Variants in CADPS2 observed in about 807,000 individuals in gnomAD.
The protein encoded by CADPS2 is calcium-dependent secretion activator 2.
A neutral mutation model predicts 172.5 loss-of-function variants in CADPS2; 93 were observed. The ratio of observed to expected loss-of-function variants is 0.54; its 90% CI spans 0.46 to 0.64. The LOEUF is 0.64. Among genes scored for constraint, CADPS2 ranks in the 30% least tolerant of loss-of-function variants. The probability of loss-of-function intolerance (pLI) is 0.00; values close to 1 mark genes in which losing one functional copy is unlikely to be tolerated. For missense variants in CADPS2, 1,420 were observed against 1,565.9 expected (o/e 0.91, Z 1.57); for synonymous variants, 546 against 555.2 (o/e 0.98, Z 0.23).
intron 1 of CADPS2, among the ~76,000 whole-genome samples, chr7:122,777,586 G>T (rs2093923935): frequency 6.6e-6 from 1 of 152,074 alleles, no homozygotes; most frequent in Non-Finnish European, 1.5e-5. Flanking sequence ...GTCATGGGAG[G>T]GAACTGGTGG....
chr7:122,568,672 T>A (rs1025414104), intron 7 of CADPS2, among the ~76,000 whole-genome samples: 1 of 152,142 alleles, frequency 6.6e-6, no homozygotes, highest in African/African-American at 2.4e-5. Context: ...TATGTAGCTC[T>A]AGATCTGAAA....
chr7:122,345,054 C>A (rs182666684), intron 28 of CADPS2, among the ~76,000 whole-genome samples: 2 of 151,962 alleles, frequency 1.3e-5, no homozygotes, highest in East Asian at 1.9e-4. Flanking sequence ...ACCCCGCCAT[C>A]CCCCCGGCCC....
intron 2 of CADPS2, among the ~76,000 whole-genome samples, chr7:122,668,414 A>C (rs570417203): frequency 1.1e-4 from 16 of 148,822 alleles, no homozygotes; most frequent in South Asian, 8.3e-4. Flanking sequence ...AAAAAAAAAA[A>C]AAAACAAAAA....
intron 1 of CADPS2, among the ~76,000 whole-genome samples, chr7:122,794,372 T>G (rs2139760773): frequency 6.6e-6 from 1 of 152,240 alleles, no homozygotes; most frequent in East Asian, 1.9e-4. Flanking sequence ...CTGAGATTCT[T>G]TCCTCCACCT....
intron 1 of CADPS2, among the ~76,000 whole-genome samples, chr7:122,779,936 T>C (rs887394485): frequency 2.8e-4 from 43 of 152,182 alleles, no homozygotes; most frequent in African/African-American, 1.0e-3. Context: ...TCAGCTCTGA[T>C]GGGCATTTCT....
chr7:122,598,188 C>T (rs1003391576), intron 6 of CADPS2, among the ~76,000 whole-genome samples: 1 of 151,700 alleles, frequency 6.6e-6, no homozygotes, highest in Non-Finnish European at 1.5e-5. Flanking sequence ...TGAAAAGAAG[C>T]ACAGTTGTGT....
At chr7:122,455,782 C>CT (rs2053690423) in intron 14 of CADPS2, among the ~76,000 whole-genome samples, 1 of 152,158 alleles carries the variant, frequency 6.6e-6, no homozygotes, top group African/African-American at 2.4e-5. Flanking sequence ...TTTCAGCTCA[C>CT]TGCAAACTCC....
chr7:122,502,833 T>C (rs1563528395), intron 9 of CADPS2, among the ~76,000 whole-genome samples: 2 of 152,126 alleles, frequency 1.3e-5, no homozygotes. Context: ...TTAAATATGT[T>C]CAGCAATGTG....
chr7:122,750,764 G>A (rs1367507153), intron 1 of CADPS2, among the ~76,000 whole-genome samples: 2 of 152,052 alleles, frequency 1.3e-5, no homozygotes, highest in African/African-American at 4.8e-5. Flanking sequence ...ATGCAGGTAC[G>A]AAAGACCTAC....
At chr7:122,442,525 T>C (rs544736259) in intron 15 of CADPS2, among the ~76,000 whole-genome samples, 1 of 152,290 alleles carries the variant, frequency 6.6e-6, no homozygotes, top group African/African-American at 2.4e-5. Context: ...TTTGCATAAA[T>C]CAGGCACTTG....
intron 3 of CADPS2, among the ~76,000 whole-genome samples, chr7:122,653,401 C>T (rs1442046848): frequency 6.6e-6 from 1 of 152,166 alleles, no homozygotes; most frequent in Non-Finnish European, 1.5e-5. Flanking sequence ...GGCTTTAGAT[C>T]CTACCTGCCT....
chr7:122,878,468 G>C (rs1035047500), intron 1 of CADPS2, among the ~76,000 whole-genome samples: 1 of 151,460 alleles, frequency 6.6e-6, no homozygotes, highest in South Asian at 2.1e-4. Context: ...GTGAAACCCC[G>C]TCTCTACTAA....
intron 25 of CADPS2, among the ~76,000 whole-genome samples, chr7:122,361,245 T>A (rs1488883963): frequency 2.9e-5 from 4 of 139,596 alleles, no homozygotes; most frequent in Non-Finnish European, 6.2e-5. Flanking sequence ...TTTTTTTTTT[T>A]TAAAATGAGA....
intron 1 of CADPS2, among the ~76,000 whole-genome samples, chr7:122,837,344 A>C (rs1197535064): frequency 6.6e-5 from 10 of 151,850 alleles, no homozygotes; most frequent in African/African-American, 1.9e-4. Context: ...CTAAAATTGA[A>C]ACCCTAACAT....
intron 1 of CADPS2, among the ~76,000 whole-genome samples, chr7:122,792,442 C>T (rs902468650): frequency 6.6e-6 from 1 of 152,090 alleles, no homozygotes; most frequent in African/African-American, 2.4e-5. Flanking sequence ...CACGGCCTCA[C>T]GAGAGGTGAA....
chr7:122,443,547 T>C (rs1356104602), intron 15 of CADPS2, among the ~76,000 whole-genome samples: 4 of 151,760 alleles, frequency 2.6e-5, no homozygotes, highest in African/African-American at 9.7e-5. Context: ...CACAGATTTA[T>C]CTTATAATTA....
chr7:122,474,566 T>C, intron 12 of CADPS2, 49 bp from the exon 13 acceptor site: 2 of 1,565,970 alleles, frequency 1.3e-6, no homozygotes, highest in Middle Eastern at 1.7e-4. Context: ...TCAGGCTTAA[T>C]GATGGACATA....
At chr7:122,676,713 G>T (rs1323232160) in intron 2 of CADPS2, 1 of 1,580,056 alleles carries the variant, frequency 6.3e-7, no homozygotes, top group Non-Finnish European at 8.6e-7. Context: ...TGCTGTACAG[G>T]AAGGACATGG....
chr7:122,395,998 C>T (rs2045066706), intron 20 of CADPS2, among the ~76,000 whole-genome samples: 2 of 152,046 alleles, frequency 1.3e-5, no homozygotes. Context: ...TTGGTAGAGA[C>T]AGGGTTTCTC....
Sources: gnomAD v4.1 joint callset for allele counts (sites outside exome capture counted in the v4.1 genomes callset) on GRCh38, gnomAD v4.1.1 for gene constraint, MANE v1.5 for transcripts, NCBI Gene and HGNC (gene_info 2026-07-23, HGNC 2026-07-21) for gene names.